Variants in CHRM2 observed in about 807,000 individuals in gnomAD.
CHRM2 encodes the protein cholinergic receptor muscarinic 2.
A neutral mutation model predicts 25.0 loss-of-function variants in CHRM2; 8 were observed. The ratio of observed to expected loss-of-function variants is 0.32; its 90% CI spans 0.19 to 0.58. CHRM2 has a LOEUF of 0.58. CHRM2 is among the 20% of genes least tolerant of loss of function. CHRM2 has a pLI of 0.88. For missense variants in CHRM2, 440 were observed against 567.1 expected (o/e 0.78, Z 2.28); for synonymous variants, 202 against 205.7 (o/e 0.98, Z 0.15).
chr7:136,884,596 A>G (rs182186732), intron 2 of CHRM2, among the ~76,000 whole-genome samples: 115 of 152,034 alleles, frequency 7.6e-4, no homozygotes, highest in African/African-American at 2.5e-3. Flanking sequence ...GACACTGAGC[A>G]TTTCATAGTC....
At chr7:136,873,181 C>T (rs1217598417) in intron 2 of CHRM2, among the ~76,000 whole-genome samples, 1 of 152,178 alleles carries the variant, frequency 6.6e-6, no homozygotes, top group Non-Finnish European at 1.5e-5. Flanking sequence ...CTTCCTGTAC[C>T]CACTCTGTCC....
chr7:136,902,865 G>C (rs1456008836), intron 2 of CHRM2: 3 of 309,072 alleles, frequency 9.7e-6, no homozygotes, highest in Non-Finnish European at 1.9e-5. Context: ...AGCAACTGCA[G>C]AGCACAGAAT....
chr7:136,946,345 C>A (rs933378085), intron 2 of CHRM2, among the ~76,000 whole-genome samples: 3 of 152,136 alleles, frequency 2.0e-5, no homozygotes, highest in Admixed American at 1.3e-4. Flanking sequence ...TTATTTAATG[C>A]CTGCCAATTA....
At chr7:136,986,343 CT>C (rs1385463009) in intron 2 of CHRM2, among the ~76,000 whole-genome samples, 2 of 152,080 alleles carry the variant, frequency 1.3e-5, no homozygotes, top group Non-Finnish European at 2.9e-5. Context: ...TATATTAGTA[CT>C]TTTCTATACC....
At chr7:136,995,114 TAC>T (rs1803508935) in intron 3 of CHRM2, among the ~76,000 whole-genome samples, 1 of 152,148 alleles carries the variant, frequency 6.6e-6, no homozygotes, top group African/African-American at 2.4e-5. Flanking sequence ...ATATATCCTA[TAC>T]ACATTGTATA....
At chr7:136,939,623 A>C (rs1253504214) in intron 2 of CHRM2, among the ~76,000 whole-genome samples, 1 of 152,218 alleles carries the variant, frequency 6.6e-6, no homozygotes, top group Non-Finnish European at 1.5e-5. Context: ...GATGTTCTTT[A>C]ATTTGGCTCT....
chr7:136,962,556 G>T (rs938885718), intron 2 of CHRM2, among the ~76,000 whole-genome samples: 3 of 152,178 alleles, frequency 2.0e-5, no homozygotes, highest in Non-Finnish European at 4.4e-5. Flanking sequence ...GAGGGCATTT[G>T]TTAAGCTTTC....
At chr7:136,994,785 T>G (rs191942792) in intron 3 of CHRM2, among the ~76,000 whole-genome samples, 3 of 152,030 alleles carry the variant, frequency 2.0e-5, no homozygotes, top group East Asian at 3.9e-4. Flanking sequence ...AAAAGTAGCT[T>G]AAATTATTTG....
At chr7:136,991,627 T>C (rs114431943) in intron 2 of CHRM2, among the ~76,000 whole-genome samples, 3,889 of 152,194 alleles carry the variant, frequency 0.026, 179 homozygotes, top group African/African-American at 0.089. Context: ...TTAGCTACCA[T>C]CTGGAGGTGA....
intron 2 of CHRM2, among the ~76,000 whole-genome samples, chr7:136,913,189 A>G (rs558265222): frequency 2.0e-5 from 3 of 152,078 alleles, no homozygotes; most frequent in African/African-American, 7.2e-5. Context: ...TATAAAACAG[A>G]TTATTCCATT....
At chr7:136,952,266 TAC>T (rs1403845355) in intron 2 of CHRM2, among the ~76,000 whole-genome samples, 2 of 152,250 alleles carry the variant, frequency 1.3e-5, no homozygotes, top group African/African-American at 4.8e-5. Context: ...GTTCTCTCAC[TAC>T]AGAGTGCAAA....
chr7:136,929,501 A>G (rs17497337), intron 2 of CHRM2, among the ~76,000 whole-genome samples: 36,289 of 151,932 alleles, frequency 0.24, 5,698 homozygotes, highest in Non-Finnish European at 0.35. Context: ...GCCCAGGAAG[A>G]AAAGAGAGTC....
intron 2 of CHRM2, among the ~76,000 whole-genome samples, chr7:136,888,832 G>A (rs927281375): frequency 1.3e-5 from 2 of 151,994 alleles, no homozygotes; most frequent in Non-Finnish European, 2.9e-5. Context: ...GGATCACGAA[G>A]TCAGGAGATC....
chr7:136,911,866 C>G (rs1369661082), intron 2 of CHRM2, among the ~76,000 whole-genome samples: 1 of 151,898 alleles, frequency 6.6e-6, no homozygotes, highest in African/African-American at 2.4e-5. Context: ...AAAGGAGGAT[C>G]TGCTTTTTCC....
chr7:136,879,057 C>T lies in CHRM2; in HGVS notation c.-125+9639C>T, dbSNP rs972996923. On this transcript the variant is annotated intron_variant, in intron 2 of 3. Coordinates refer to ENST00000680005, the MANE Select transcript of CHRM2 (RefSeq NM_001006630.2). Reference sequence around the variant, plus strand: ...GTGAAGTTTAGAATCTGTCTCCTGGCAACTAACCTCCTGGCTTAGCATAAT... The same window carrying T: ...GTGAAGTTTAGAATCTGTCTCCTGGTAACTAACCTCCTGGCTTAGCATAAT... Among the ~76,000 whole-genome samples, 17 of 151,864 alleles carry T rather than the reference C, an allele frequency of 1.1e-4. 1 individual carries two copies. The highest frequency in any genetic ancestry group is 1.8e-4 in the Non-Finnish European group (12 of 67,832).
chr7:136,875,966 T>C (rs952761671), intron 2 of CHRM2, among the ~76,000 whole-genome samples: 1 of 152,180 alleles, frequency 6.6e-6, no homozygotes, highest in African/African-American at 2.4e-5. Context: ...TTCACACTTA[T>C]ACTCTAGCCA....
At chr7:136,917,389 C>A (rs1798181893) in intron 2 of CHRM2, among the ~76,000 whole-genome samples, 1 of 151,876 alleles carries the variant, frequency 6.6e-6, no homozygotes. Context: ...TCTTTGCCTC[C>A]TGTTGGTTCA....
chr7:136,951,518 G>A (rs1463888792), intron 2 of CHRM2, among the ~76,000 whole-genome samples: 1 of 152,054 alleles, frequency 6.6e-6, no homozygotes, highest in African/African-American at 2.4e-5. Flanking sequence ...TATTTATAAC[G>A]CACTTGGCAG....
In CHRM2 at chr7:137,017,654, C is replaced by A. The variant is rs1014738056; in HGVS notation, c.*1388C>A. ...CCTAACATTATTTAACTTCAAAATT[C>A]TCTTATCAATAGAATTATAGTAATC... On this transcript the variant is annotated 3_prime_UTR_variant, in exon 4 of 4. Coordinates refer to ENST00000680005, the MANE Select transcript of CHRM2 (RefSeq NM_001006630.2). 1 of 151,958 alleles carries A rather than the reference C, an allele frequency of 6.6e-6. No homozygotes were observed. Among genetic ancestry groups the A allele is most frequent in the African/African-American group, 2.4e-5 (1 of 41,412 alleles). The allele number at this position is 151,958 out of a possible 1,614,324, so 9.4% of individuals were successfully genotyped here. A position where few individuals can be genotyped will look rare whatever the true frequency, so the allele number is the denominator to read the frequency against.
Sources: allele counts gnomAD v4.1 joint callset (sites outside exome capture counted in the v4.1 genomes callset), GRCh38; gene constraint gnomAD v4.1.1; transcripts MANE v1.5; gene names NCBI Gene and HGNC (gene_info 2026-07-23, HGNC 2026-07-21).